TRAPPC6A: variants seen among roughly 807,000 people sequenced by gnomAD.
TRAPPC6A encodes the protein trafficking protein particle complex subunit 6A, also known as TRAPP complex subunit 6A.
A neutral mutation model predicts 20.8 loss-of-function variants in TRAPPC6A; 25 were observed. That is an observed-to-expected ratio of 1.20 (90% CI 0.88 to 1.68). TRAPPC6A has a LOEUF of 1.68. Ranked by LOEUF, TRAPPC6A falls within the 40% of genes most tolerant of loss-of-function variation. The pLI is 0.00. For synonymous variants in TRAPPC6A, 96 were observed against 93.3 expected, an observed-to-expected ratio of 1.03 and a Z score of -0.16; for missense variants, 215 against 211.6, an observed-to-expected ratio of 1.02 and a Z score of -0.10.
intron 1 of TRAPPC6A, among the ~76,000 whole-genome samples, chr19:45,169,721 T>C (rs567965695): frequency 1.3e-5 from 2 of 152,328 alleles, no homozygotes; most frequent in East Asian, 3.9e-4. Flanking sequence ...GAGAGCTCGC[T>C]GCCTGGTAGC....
chr19:45,173,815 AC>A lies in TRAPPC6A; in HGVS notation c.84+4319del, dbSNP rs1190473831. On this transcript the variant is annotated intron_variant, in intron 1 of 5. Transcript: ENST00000585934. This position sits in a 1 kb window ranked among gnomAD's most constrained non-coding sequence, Gnocchi z 4.8. ...AGTGAGGGGAAACGATGCAGTTCTCACCCCTAGCTGCAGCGAGAGCCACCTG... is the reference window on the plus strand; with the variant it reads ...AGTGAGGGGAAACGATGCAGTTCTCACCCTAGCTGCAGCGAGAGCCACCTG... 6.6e-6 allele frequency among the ~76,000 whole-genome samples: 1 copy of A among 152,008 alleles called. No individual in the cohort carries two copies. The highest frequency in any genetic ancestry group is 2.4e-5 in the African/African-American group (1 of 41,384).
At position 45,164,899 on chromosome 19, in the gene TRAPPC6A, A is replaced by G; in HGVS notation, c.224T>C (p.Val75Ala). 6.2e-7 allele frequency: 1 copy of G among 1,614,056 alleles called. No individual in the cohort carries two copies. The highest frequency in any genetic ancestry group is 8.5e-7 in the Non-Finnish European group (1 of 1,179,976). Residue 75 changes from valine to alanine, a missense_variant, in exon 3 of 6, where the codon GTG becomes GCG. Val to Ala is a moderately conservative substitution (Grantham distance 64). Transcript: ENST00000585934. ...GTCCATCTGCTTCTGGAACACCGCC[A>G]CCCACAGGTCTTTGCACAAGAACTT... ...VLKFLCKDLW[V>A]AVFQKQMDSL...
chr19:45,164,738 G>A, intron 3 of TRAPPC6A, 115 bp downstream of exon 3: 2 of 945,614 alleles, frequency 2.1e-6, no homozygotes, highest in East Asian at 2.4e-5. Context: ...GCCGCCTGTG[G>A]GAAAGCTCTG....
At chr19:45,169,718 C>T (rs530926288) in intron 1 of TRAPPC6A, among the ~76,000 whole-genome samples, 20 of 152,300 alleles carry the variant, frequency 1.3e-4, no homozygotes, top group Non-Finnish European at 2.2e-4. Flanking sequence ...GGCGAGAGCT[C>T]GCTGCCTGGT....
chr19:45,166,143 C>T lies in TRAPPC6A; in HGVS notation c.85-949G>A, dbSNP rs1969146461. 3.3e-5 allele frequency among the ~76,000 whole-genome samples: 5 copies of T among 152,132 alleles called. No homozygotes were observed. In the South Asian group the frequency reaches 1.0e-3, roughly 32 times the overall value. ...CCCAGGCTGGTCTCGAACTCCTCAG[C>T]TCAGGCAATCTGCCCGCCTCGGCCT... On this transcript the variant is annotated intron_variant, in intron 1 of 5. Coordinates refer to ENST00000585934, the MANE Select transcript of TRAPPC6A (RefSeq NM_001270891.2).
In TRAPPC6A at chr19:45,166,612, C is replaced by T. The variant is rs902337458; in HGVS notation, c.85-1418G>A. On this transcript the variant is annotated intron_variant, in intron 1 of 5. Coordinates refer to ENST00000585934, the MANE Select transcript of TRAPPC6A (RefSeq NM_001270891.2). ...ACCAGAAATCCCAGGACGGCTGGGG[C>T]GTGAGGCGCCAGGTTTTTCAGAGAA... 4.7e-5 allele frequency among the ~76,000 whole-genome samples: 7 copies of T among 149,222 alleles called. No individual in the cohort carries two copies. In the South Asian group the frequency reaches 6.3e-4, roughly 14 times the overall value.
chr19:45,164,587 G>A (rs979564054), intron 3 of TRAPPC6A: 1 of 584,668 alleles, frequency 1.7e-6, no homozygotes, highest in African/African-American at 1.9e-5. Flanking sequence ...ATCACACTGG[G>A]GGTAGGGCAG....
chr19:45,165,245 G>A (rs376764308), intron 1 of TRAPPC6A, 51 bp from the exon 2 acceptor site: 695 of 1,544,418 alleles, frequency 4.5e-4, no homozygotes, highest in Non-Finnish European at 5.6e-4. Context: ...CCACGAACCC[G>A]GGGCCACCCA....
chr19:45,168,769 C>A (rs1969212075), intron 1 of TRAPPC6A, among the ~76,000 whole-genome samples: 2 of 152,190 alleles, frequency 1.3e-5, no homozygotes, highest in South Asian at 4.1e-4. Flanking sequence ...TAAGAAGAAC[C>A]CATCCAAGGC....
intron 3 of TRAPPC6A, 47 bp from the exon 4 acceptor site, chr19:45,164,294 T>C (rs756356740): frequency 1.5e-6 from 2 of 1,330,426 alleles, no homozygotes; most frequent in Non-Finnish European, 2.1e-6. Context: ...CCTGTACATT[T>C]GAAGCGCAGG....
At chr19:45,164,071 C>T (rs1568461878) in intron 4 of TRAPPC6A, 62 bp from the exon 5 acceptor site, 4 of 1,548,414 alleles carry the variant, frequency 2.6e-6, no homozygotes, top group East Asian at 4.8e-5. Flanking sequence ...AGGTCTGGGG[C>T]ACCCCTTAGG....
At position 45,163,281 on chromosome 19, in the gene TRAPPC6A, TG is replaced by T. The variant is rs1969051559; in HGVS notation, c.449-59del. ...TGGGATGGGGGAGGCAGAGGGCACC[TG>T]GACGGCTCTTAGGCGCTCACCCCCG... On this transcript the variant is annotated intron_variant, in intron 5 of 5. Transcript: ENST00000585934. This position sits in a 1 kb window ranked among gnomAD's most constrained non-coding sequence, Gnocchi z 5.3. 6.3e-7 allele frequency: 1 copy of T among 1,596,204 alleles called. No individual in the cohort carries two copies. The highest frequency in any genetic ancestry group is 1.3e-5 in the African/African-American group (1 of 74,620).
rs1475937388 is a variant in TRAPPC6A at position 45,173,721 on chromosome 19, AGAG to A, written c.84+4411_84+4413del. On this transcript the variant is annotated intron_variant, in intron 1 of 5. Transcript: ENST00000585934. The surrounding 1 kb of genome is among the most constrained non-coding windows in gnomAD (Gnocchi z 4.8). The stretch of plus-strand genomic sequence containing the variant: ...TGGAGAGAGGAGGTGGGGCCAATAA[AGAG>A]AAAGGACTGAGGAAGCCGTTTCTCA... Among the ~76,000 whole-genome samples the A allele has an allele frequency of 1.3e-5, 2 of 152,204 alleles. No homozygotes were observed. Among genetic ancestry groups the A allele is most frequent in the African/African-American group, 4.8e-5 (2 of 41,446 alleles).
rs79665626 is a variant in TRAPPC6A, at chr19:45,173,782, G to A, written c.84+4353C>T. 0.012 allele frequency among the ~76,000 whole-genome samples: 1,886 copies of A among 152,306 alleles called. 41 individuals carry two copies. Among genetic ancestry groups the A allele is most frequent in the African/African-American group, 0.042 (1,746 of 41,562 alleles). ...CCCCCTGAAAAACGGGGCTCCCCAG[G>A]AGGAAGGAGTGAGGGGAAACGATGC... On this transcript the variant is annotated intron_variant, in intron 1 of 5. Coordinates refer to ENST00000585934, the MANE Select transcript of TRAPPC6A (RefSeq NM_001270891.2). This position sits in a 1 kb window ranked among gnomAD's most constrained non-coding sequence, Gnocchi z 4.8.
In TRAPPC6A at chr19:45,172,589, G is replaced by A. The variant is rs555669193; in HGVS notation, c.84+5546C>T. ...CACACAGATGGGTGAGTGAGGGGTG[G>A]GTGCGAGAAGCCTGCAGGACTTCCC... On this transcript the variant is annotated intron_variant, in intron 1 of 5. Coordinates refer to ENST00000585934, the MANE Select transcript of TRAPPC6A (RefSeq NM_001270891.2). The surrounding 1 kb of genome is among the most constrained non-coding windows in gnomAD (Gnocchi z 4.2). Among the ~76,000 whole-genome samples, 4 of 151,680 alleles carry A rather than the reference G, an allele frequency of 2.6e-5. No homozygotes were observed. The East Asian group carries it at 7.7e-4, about 29-fold the overall frequency.
chr19:45,165,743 G>A (rs1172347933), intron 1 of TRAPPC6A, among the ~76,000 whole-genome samples: 2 of 152,256 alleles, frequency 1.3e-5, no homozygotes, highest in East Asian at 3.9e-4. Context: ...TCGTTTGGGT[G>A]CTCGAAAAGG....
At chr19:45,170,731 T>C (rs1969251361) in intron 1 of TRAPPC6A, among the ~76,000 whole-genome samples, 1 of 152,206 alleles carries the variant, frequency 6.6e-6, no homozygotes, top group Admixed American at 6.5e-5. Context: ...ACAGTGGTGG[T>C]GTGACTGGCA....
chr19:45,171,765 A>G (rs1319188217), intron 1 of TRAPPC6A, among the ~76,000 whole-genome samples: 1 of 152,192 alleles, frequency 6.6e-6, no homozygotes, highest in Admixed American at 6.5e-5. Context: ...AGAAGAAATC[A>G]TCAGAGAGAT....
rs115540830 is a variant in TRAPPC6A, at chr19:45,176,118, G to A, written c.84+2017C>T. ...GGCAATCCTCCCACCTCAGCCTCCC[G>A]AGTTCTTGGTAGTATAGGCATGTGT... On this transcript the variant is annotated intron_variant, in intron 1 of 5. Transcript: ENST00000585934. Among the ~76,000 whole-genome samples the A allele has an allele frequency of 7.9e-3, 1,193 of 151,776 alleles. 18 individuals carry two copies. The highest frequency in any genetic ancestry group is 0.027 in the African/African-American group (1,121 of 41,354).
Sources: gnomAD v4.1 joint callset for allele counts (sites outside exome capture counted in the v4.1 genomes callset) on GRCh38, gnomAD v4.1.1 for gene constraint, Gnocchi (gnomAD v3.1) non-coding constraint, MANE v1.5 for transcripts, NCBI Gene and HGNC (gene_info 2026-07-23, HGNC 2026-07-21) for gene names.